FLNC: variants seen among roughly 807,000 people sequenced by gnomAD.
FLNC encodes the protein filamin C, also known as filamin-C.
In FLNC, 91 loss-of-function variants were observed where a neutral mutation model predicts 254.3. That is an observed-to-expected ratio of 0.36 (90% CI 0.30 to 0.43). FLNC has a LOEUF of 0.43. Among genes scored for constraint, FLNC ranks in the 20% least tolerant of loss-of-function variants. The pLI is 1.00. For synonymous variants in FLNC, 1,430 were observed against 1,577.2 expected (o/e 0.91, Z 2.21); for missense variants, 2,853 against 3,802.6 (o/e 0.75, Z 6.57).
chr7:128,844,334 G>C, intron 20 of FLNC, 68 bp downstream of exon 20: 1 of 1,519,416 alleles, frequency 6.6e-7, no homozygotes, highest in Non-Finnish European at 8.9e-7. Flanking sequence ...GAGTCATAGG[G>C]GGCAGAGGCC....
Position 128,849,165 on chromosome 7 carries a change from T to G in FLNC, c.4928-16T>G, listed in dbSNP as rs1421078446. On this transcript the variant is annotated splice_polypyrimidine_tract_variant and intron_variant, in intron 28 of 47. Transcript: ENST00000325888. ...CGTTGAGCACCGCCTGGCCTCACAC[T>G]CTTCTCTCTTTCCAGTGTCCATTGG... 6.2e-7 allele frequency: 1 copy of G among 1,601,062 alleles called. No individual in the cohort carries two copies. Among genetic ancestry groups the G allele is most frequent in the Admixed American group, 1.7e-5 (1 of 59,572 alleles).
rs1808427228 is a variant in FLNC at position 128,843,500 on chromosome 7, G to A, written c.2734G>A (p.Gly912Ser). 6.2e-7 allele frequency: 1 copy of A among 1,614,060 alleles called. No individual in the cohort carries two copies. The highest frequency in any genetic ancestry group is 8.5e-7 in the Non-Finnish European group (1 of 1,180,034). The change falls in exon 18 of 48, where the codon GGC becomes AGC. Residue 912 changes from glycine (G) to serine (S), a missense_variant. Gly to Ser is a moderately conservative substitution (Grantham distance 56, BLOSUM62 0). Around this residue, in one of 10 missense-constraint regions of FLNC, gnomAD observed 1,573 missense variants for 1,883.5 expected, o/e 0.84. Coordinates refer to ENST00000325888, the MANE Select transcript of FLNC (RefSeq NM_001458.5). ...TGTGCAGTTTGCAGGGACAGCCAAG[G>A]GCGAGGTTGTGCGGGACTTTGAGAT... ...LDVQFAGTAK[G>S]EVVRDFEIID... is the part of the protein sequence containing the mutation.
chr7:128,841,642 C>A lies in FLNC; in HGVS notation c.2121+75C>A. 1 of 1,067,820 alleles carries A rather than the reference C, an allele frequency of 9.4e-7. No homozygotes were observed. The highest frequency in any genetic ancestry group is 1.5e-6 in the Non-Finnish European group (1 of 683,082). 66.1% of individuals were successfully genotyped at this position (1,067,820 alleles called of 1,614,324 possible). ...CTGGAAGGCAGGGCCAGGCCAGAGG[C>A]AGAGGCCTCCCAGCAGGAAATGACA... is the stretch of plus-strand genomic sequence containing the variant. On this transcript the variant is annotated intron_variant, in intron 13 of 47. Coordinates refer to ENST00000325888, the MANE Select transcript of FLNC (RefSeq NM_001458.5). This position sits in a 1 kb window ranked among gnomAD's most constrained non-coding sequence, Gnocchi z 4.3.
In FLNC at chr7:128,849,348, C is replaced by G. The variant is rs1563000044; in HGVS notation, c.4969C>G (p.Arg1657Gly). ...GHGLGACLGPRIQIGQETVIT... is the reference protein window; with the variant it reads ...GHGLGACLGPGIQIGQETVIT... ...CATGGCAGGTGCCTGCCTGGGCCCT[C>G]GAATCCAGATTGGGCAGGAGACGGT... is the stretch of plus-strand genomic sequence containing the variant. Residue 1657 changes from arginine (R) to glycine (G), a missense_variant, in exon 30 of 48, where the codon CGA becomes GGA. Around this residue, in one of 10 missense-constraint regions of FLNC, gnomAD observed 258 missense variants for 312.3 expected, o/e 0.83. Coordinates refer to ENST00000325888, the MANE Select transcript of FLNC (RefSeq NM_001458.5). 3.1e-6 allele frequency: 5 copies of G among 1,614,058 alleles called. No homozygotes were observed. Among genetic ancestry groups the G allele is most frequent in the South Asian group, 1.1e-5 (1 of 91,080 alleles).
Position 128,840,586 on chromosome 7 carries a change from G to C in FLNC, c.1588G>C (p.Asp530His). Residue 530 changes from aspartate (D) to histidine (H), a missense_variant, in exon 10 of 48, where the codon GAT becomes CAT. Asp to His is a moderately conservative substitution (Grantham distance 81). Around this residue, in one of 10 missense-constraint regions of FLNC, gnomAD observed 1,573 missense variants for 1,883.5 expected, o/e 0.84. Coordinates refer to ENST00000325888, the MANE Select transcript of FLNC (RefSeq NM_001458.5). ...GCCAGTGAAGGTGCGGGAGGCTGGGGATGGTGTGTTCGAGTGCGAGTACTA... is the reference window on the plus strand; with the variant it reads ...GCCAGTGAAGGTGCGGGAGGCTGGGCATGGTGTGTTCGAGTGCGAGTACTA... ...EEPVKVREAG[D>H]GVFECEYYPV... is the part of the protein sequence containing the mutation. 1 of 1,614,218 alleles carries C rather than the reference G, an allele frequency of 6.2e-7. No individual in the cohort carries two copies. The highest frequency in any genetic ancestry group is 1.1e-5 in the South Asian group (1 of 91,092).
intron 22 of FLNC, 50 bp from the exon 23 acceptor site, chr7:128,846,251 G>T (rs1337434751): frequency 6.2e-7 from 1 of 1,612,446 alleles, no homozygotes; most frequent in African/African-American, 1.3e-5. Flanking sequence ...GGCAGGAGGG[G>T]TGGTGGGGGC....
At chr7:128,847,582 C>A in intron 24 of FLNC, 115 bp from the exon 25 acceptor site, 1 of 1,193,156 alleles carries the variant, frequency 8.4e-7, no homozygotes, top group Non-Finnish European at 1.2e-6. Context: ...CCATGTTGGT[C>A]TGGCTTCCCT....
At position 128,843,832 on chromosome 7, in the gene FLNC, C is replaced by A. The variant is rs1808442078; in HGVS notation, c.2848C>A (p.Pro950Thr). ...AGTGACAGTGACTTATGGCGGGGAC[C>A]CTGTCCCCAAGAGCCCCTTTGTGGT... ...MAVTVTYGGD[P>T]VPKSPFVVNV... is the part of the protein sequence containing the mutation. The change falls in exon 19 of 48, where the codon CCT becomes ACT. Residue 950 changes from proline to threonine, a missense_variant. Transcript: ENST00000325888. The A allele has an allele frequency of 1.2e-6, 2 of 1,613,678 alleles. No homozygotes were observed. Among genetic ancestry groups the A allele is most frequent in the Admixed American group, 1.7e-5 (1 of 60,006 alleles).
At position 128,844,089 on chromosome 7, in the gene FLNC, G is replaced by C; in HGVS notation, c.3015G>C (p.Ser1005=). 1 of 1,613,934 alleles carries C rather than the reference G, an allele frequency of 6.2e-7. No individual in the cohort carries two copies. Among genetic ancestry groups the C allele is most frequent in the African/African-American group, 1.3e-5 (1 of 75,050 alleles). ...GCCAACTGGATGTGCGGATGACTTCGCCCTCTCGCCGGCCCATCCCCTGCA... is the reference window on the plus strand; with the variant it reads ...GCCAACTGGATGTGCGGATGACTTCCCCCTCTCGCCGGCCCATCCCCTGCA... ...GQGQLDVRMT[S]PSRRPIPCKL... is the part of the protein sequence containing the mutation. The change falls in exon 20 of 48, where the codon TCG becomes TCC. Residue 1005 remains serine (S), a synonymous_variant. Coordinates refer to ENST00000325888, the MANE Select transcript of FLNC (RefSeq NM_001458.5).
chr7:128,838,188 C>T (rs1808179110), intron 6 of FLNC, 79 bp from the exon 7 acceptor site: 2 of 1,535,410 alleles, frequency 1.3e-6, no homozygotes, highest in South Asian at 1.1e-5. Context: ...CTCTCACCCT[C>T]CTTGGCCTGG....
chr7:128,846,198 T>TGGGCAGGTGGGCAGGGGC, intron 22 of FLNC, 35 bp downstream of exon 22: 1 of 1,613,116 alleles, frequency 6.2e-7, no homozygotes, highest in African/African-American at 1.3e-5. Context: ...TGGGCAGGGC[T>TGGGCAGGTGGGCAGGGGC]GGGCAAGTGG....
At position 128,845,978 on chromosome 7, in the gene FLNC, C is replaced by T; in HGVS notation, c.3791-12C>T. 1 of 1,613,364 alleles carries T rather than the reference C, an allele frequency of 6.2e-7. No homozygotes were observed. The highest frequency in any genetic ancestry group is 8.5e-7 in the Non-Finnish European group (1 of 1,179,940). ...CCCCACCCCTGCTGAACACGCCACC[C>T]CTGGGCTCCAGGTGTCCTGCGGGAG... is the stretch of plus-strand genomic sequence containing the variant. On this transcript the variant is annotated splice_polypyrimidine_tract_variant and intron_variant, in intron 21 of 47. Coordinates refer to ENST00000325888, the MANE Select transcript of FLNC (RefSeq NM_001458.5).
chr7:128,856,939 G>C lies in FLNC; in HGVS notation c.7561+18G>C, dbSNP rs761286115. The C allele has an allele frequency of 6.2e-7, 1 of 1,612,932 alleles. No homozygotes were observed. The highest frequency in any genetic ancestry group is 1.1e-5 in the South Asian group (1 of 91,046). ...CACTACCGGTGAGTGCCTGGAGCTG[G>C]GGAACAGGGTGACTTCTGGGGGTGC... On this transcript the variant is annotated intron_variant, in intron 45 of 47. Coordinates refer to ENST00000325888, the MANE Select transcript of FLNC (RefSeq NM_001458.5). This position sits in a 1 kb window ranked among gnomAD's most constrained non-coding sequence, Gnocchi z 5.9.
Position 128,850,236 on chromosome 7 carries a change from C to G in FLNC, c.5299-148C>G, listed in dbSNP as rs979776428. On this transcript the variant is annotated intron_variant, in intron 31 of 47. Transcript: ENST00000325888. ...GGAACCCCACTTGGGCACAGCACTC[C>G]TTCTCTTGCAGCTGACGCACCTCTC... is the stretch of plus-strand genomic sequence containing the variant. The G allele has an allele frequency of 9.7e-6, 9 of 927,210 alleles. No homozygotes were observed. The African/African-American group carries it at 1.1e-4, about 12-fold the overall frequency. 57.4% of individuals were successfully genotyped at this position (927,210 alleles called of 1,614,324 possible).
In FLNC at chr7:128,842,121, G is replaced by C; in HGVS notation, c.2122-110G>C. ...TGGCCTCAGTGGCTGGTGTGGGGGCGGGAGTGCCAGTGTTGGGGGTGGGAA... is the reference window on the plus strand; with the variant it reads ...TGGCCTCAGTGGCTGGTGTGGGGGCCGGAGTGCCAGTGTTGGGGGTGGGAA... On this transcript the variant is annotated intron_variant, in intron 13 of 47. Coordinates refer to ENST00000325888, the MANE Select transcript of FLNC (RefSeq NM_001458.5). The surrounding 1 kb of genome is among the most constrained non-coding windows in gnomAD (Gnocchi z 5.4). 1.7e-6 allele frequency: 2 copies of C among 1,146,648 alleles called. No individual in the cohort carries two copies. The highest frequency in any genetic ancestry group is 1.3e-6 in the Non-Finnish European group (1 of 786,756). 71.0% of individuals were successfully genotyped at this position (1,146,648 alleles called of 1,614,324 possible).
In FLNC at chr7:128,845,237, C is replaced by T. The variant is rs374764212; in HGVS notation, c.3772C>T (p.Pro1258Ser). Residue 1258 changes from proline to serine, a missense_variant, in exon 21 of 48, where the codon CCT (proline) becomes TCT (serine). By Grantham distance (74) the Pro-to-Ser change is moderately conservative (BLOSUM62 -1). This residue lies in a region of FLNC where 1,573 missense variants were observed against 1,883.5 expected (regional missense o/e 0.84). Coordinates refer to ENST00000325888, the MANE Select transcript of FLNC (RefSeq NM_001458.5). ...TACCAGTGGCGTCAAGGTCTCAGGG[C>T]CTGGTGTTGAGCCACACGGTGAGTG... Reference protein sequence around the residue: ...VDTSGVKVSGPGVEPHGVLRE... With the variant: ...VDTSGVKVSGSGVEPHGVLRE... The T allele has an allele frequency of 2.7e-5, 44 of 1,613,452 alleles. No homozygotes were observed. In the Admixed American group the frequency reaches 3.2e-4, roughly 12 times the overall value.
chr7:128,850,546 C>A, intron 32 of FLNC, 63 bp downstream of exon 32: 1 of 1,400,960 alleles, frequency 7.1e-7, no homozygotes, highest in Admixed American at 1.7e-5. Flanking sequence ...AGGCCCAGTC[C>A]TGTGTCTTAA....
At position 128,859,056 on chromosome 7, in the gene FLNC, G is replaced by A. The variant is rs967154036; in HGVS notation, c.*533G>A. 4 of 169,464 alleles carry A rather than the reference G, an allele frequency of 2.4e-5. No individual in the cohort carries two copies. The highest frequency in any genetic ancestry group is 3.9e-5 in the Non-Finnish European group (3 of 77,504). 10.5% of individuals were successfully genotyped at this position (169,464 alleles called of 1,614,324 possible). A position where few individuals can be genotyped will look rare whatever the true frequency, so the allele number is the denominator to read the frequency against. On this transcript the variant is annotated 3_prime_UTR_variant, in exon 48 of 48. Transcript: ENST00000325888. Reference sequence around the variant, plus strand: ...GCAGGAGTGGCCTGGCACATGGACCGGCCTGAGCGATGTGCACTCCACCCA... The same window carrying A: ...GCAGGAGTGGCCTGGCACATGGACCAGCCTGAGCGATGTGCACTCCACCCA...
At position 128,842,378 on chromosome 7, in the gene FLNC, C is replaced by T. The variant is rs1254832922; in HGVS notation, c.2265+4C>T. Reference sequence around the variant, plus strand: ...CGTGCCCAAGAGCCCCTTCCGGGTGCGTCCTCCCGGCCTGCCCCGTGCCCA... The same window carrying T: ...CGTGCCCAAGAGCCCCTTCCGGGTGTGTCCTCCCGGCCTGCCCCGTGCCCA... On this transcript the variant is annotated splice_donor_region_variant and intron_variant, in intron 14 of 47. Coordinates refer to ENST00000325888, the MANE Select transcript of FLNC (RefSeq NM_001458.5). This position sits in a 1 kb window ranked among gnomAD's most constrained non-coding sequence, Gnocchi z 5.4. The T allele has an allele frequency of 1.9e-6, 3 of 1,613,272 alleles. No individual in the cohort carries two copies. The highest frequency in any genetic ancestry group is 2.5e-6 in the Non-Finnish European group (3 of 1,179,916).
Sources: allele counts gnomAD v4.1 joint callset, GRCh38; gene constraint gnomAD v4.1.1; regional missense constraint gnomAD v4.1.1; non-coding constraint Gnocchi (gnomAD v3.1); transcripts MANE v1.5; gene names NCBI Gene and HGNC (gene_info 2026-07-23, HGNC 2026-07-21).